The following KLHL1 variants were observed in gnomAD, a reference collection of about 807,000 sequenced individuals.
The protein encoded by KLHL1 is kelch like family member 1, also known as kelch-like protein 1.
KLHL1 carries 47 observed loss-of-function variants against 77.7 expected under a neutral mutation model. The ratio of observed to expected loss-of-function variants is 0.60; its 90% CI spans 0.48 to 0.77. The LOEUF is 0.77. Ranked by LOEUF, KLHL1 falls within the 30% of genes least tolerant of loss-of-function variation. KLHL1 has a pLI of 0.00. For synonymous variants in KLHL1, 360 were observed against 325.2 expected, an observed-to-expected ratio of 1.11 and a Z score of -1.15; for missense variants, 925 against 910.8, an observed-to-expected ratio of 1.02 and a Z score of -0.20.
chr13:69,735,263 C>T, intron 8 of KLHL1, among the ~76,000 whole-genome samples: 1 of 151,494 alleles, frequency 6.6e-6, no homozygotes, highest in East Asian at 1.9e-4. Context: ...TCTCAAATAA[C>T]AACTGATATC....
intron 4 of KLHL1, among the ~76,000 whole-genome samples, chr13:69,884,463 A>G (rs534057844): frequency 6.3e-4 from 95 of 151,292 alleles, no homozygotes; most frequent in African/African-American, 2.1e-3. Flanking sequence ...GAAGCTAAAG[A>G]TGTTCTGAGG....
At chr13:69,948,810 A>G (rs1883612831) in intron 3 of KLHL1, among the ~76,000 whole-genome samples, 1 of 151,964 alleles carries the variant, frequency 6.6e-6, no homozygotes, top group Non-Finnish European at 1.5e-5. Context: ...TATATTGAAA[A>G]TGTATATTTC....
chr13:69,939,332 T>TATAC (rs1427211607), intron 4 of KLHL1, among the ~76,000 whole-genome samples: 27 of 84,162 alleles, frequency 3.2e-4, no homozygotes, highest in African/African-American at 1.2e-3. Flanking sequence ...TATATATACA[T>TATAC]ATACATACAT....
intron 2 of KLHL1, among the ~76,000 whole-genome samples, chr13:69,963,682 G>A (rs910062993): frequency 6.6e-6 from 1 of 152,094 alleles, no homozygotes; most frequent in Non-Finnish European, 1.5e-5. Context: ...GATATTGTAA[G>A]AAATTTGCAA....
chr13:70,036,831 T>C (rs1886249322), intron 1 of KLHL1, among the ~76,000 whole-genome samples: 1 of 130,156 alleles, frequency 7.7e-6, no homozygotes. Flanking sequence ...TTTAATGCCA[T>C]GGTCTTTTTT....
At chr13:69,860,229 T>C (rs1487406591) in intron 5 of KLHL1, among the ~76,000 whole-genome samples, 1 of 152,016 alleles carries the variant, frequency 6.6e-6, no homozygotes, top group Non-Finnish European at 1.5e-5. Context: ...ATATATACTT[T>C]CTATACACAA....
At chr13:69,788,658 T>C (rs1224005575) in intron 7 of KLHL1, among the ~76,000 whole-genome samples, 1 of 127,514 alleles carries the variant, frequency 7.8e-6, no homozygotes, top group Non-Finnish European at 1.7e-5. Flanking sequence ...ACTTAAAGTA[T>C]AATAATAATA....
At chr13:69,772,774 G>A (rs994799067) in intron 7 of KLHL1, among the ~76,000 whole-genome samples, 7 of 152,082 alleles carry the variant, frequency 4.6e-5, no homozygotes, top group Non-Finnish European at 1.0e-4. Flanking sequence ...TCTGAATAAA[G>A]TGCCTTAAAA....
chr13:69,913,199 C>A (rs748013799), intron 4 of KLHL1, among the ~76,000 whole-genome samples: 1 of 152,154 alleles, frequency 6.6e-6, no homozygotes, highest in East Asian at 1.9e-4. Context: ...CTATGCTCCC[C>A]CTTCAAACTG....
chr13:69,973,825 T>C (rs999989666), intron 2 of KLHL1, among the ~76,000 whole-genome samples: 1 of 152,080 alleles, frequency 6.6e-6, no homozygotes, highest in African/African-American at 2.4e-5. Flanking sequence ...TTTTAAACTA[T>C]AGTGTTAAAA....
rs1457339991 is a variant in KLHL1 at position 69,843,978 on chromosome 13, T to G, written c.1228-4816A>C. The stretch of plus-strand genomic sequence containing the variant: ...ATGTTATTGATTAATTAATGATAAT[T>G]TGTGAATAACTTTTCAATTTCTAAG... On this transcript the variant is annotated intron_variant, in intron 5 of 10. Coordinates refer to ENST00000377844, the MANE Select transcript of KLHL1 (RefSeq NM_020866.3). Among the ~76,000 whole-genome samples, 4 of 151,648 alleles carry G rather than the reference T, an allele frequency of 2.6e-5. No homozygotes were observed. The East Asian group carries it at 7.8e-4, about 29-fold the overall frequency.
intron 5 of KLHL1, among the ~76,000 whole-genome samples, chr13:69,857,316 G>A (rs146013538): frequency 6.6e-6 from 1 of 152,048 alleles, no homozygotes; most frequent in East Asian, 2.0e-4. Flanking sequence ...TGATGCCAGG[G>A]CATATTGACT....
intron 4 of KLHL1, among the ~76,000 whole-genome samples, chr13:69,922,809 C>T (rs541528997): frequency 1.3e-4 from 20 of 152,152 alleles, no homozygotes; most frequent in South Asian, 4.2e-4. Context: ...GGCATGCAGA[C>T]GTAGAACTGT....
intron 1 of KLHL1, among the ~76,000 whole-genome samples, chr13:69,996,073 T>C (rs1442294073): frequency 2.6e-5 from 4 of 152,142 alleles, no homozygotes; most frequent in African/African-American, 9.6e-5. Context: ...GGGAGGTCAA[T>C]GCGGGAGGAT....
intron 7 of KLHL1, among the ~76,000 whole-genome samples, chr13:69,783,889 A>G (rs1296613478): frequency 6.6e-6 from 1 of 151,864 alleles, no homozygotes; most frequent in African/African-American, 2.4e-5. Context: ...CAGATTCACC[A>G]AAGTTGAAAT....
intron 1 of KLHL1, among the ~76,000 whole-genome samples, chr13:70,094,393 T>TTTTATATATATATATATATATA (rs1555296826): frequency 2.9e-5 from 4 of 137,228 alleles, no homozygotes; most frequent in East Asian, 4.2e-4. Flanking sequence ...GCAATCATCT[T>TTTTATATATATATATATATATA]TATATATATA....
rs751092848 is a variant in KLHL1, at chr13:69,707,695, C to T, written c.2117G>A (p.Gly706Asp). 1 of 1,612,830 alleles carries T rather than the reference C, an allele frequency of 6.2e-7. No homozygotes were observed. The highest frequency in any genetic ancestry group is 8.5e-7 in the Non-Finnish European group (1 of 1,179,208). The change falls in exon 10 of 11, where the codon GGT becomes GAT. Residue 706 changes from glycine to aspartate, a missense_variant. Physicochemically the swap from Gly to Asp is moderately conservative, Grantham distance 94 (BLOSUM62 -1). Transcript: ENST00000377844. ...GAGGTATGTCTGTCCATCATAGCCA[C>T]CAACAGCATATAATCTGTCACCAAG... ...CLLGDRLYAV[G>D]GYDGQTYLNT... is the part of the protein sequence containing the mutation.
At chr13:70,026,554 A>G (rs1885945764) in intron 1 of KLHL1, among the ~76,000 whole-genome samples, 1 of 152,168 alleles carries the variant, frequency 6.6e-6, no homozygotes, top group Non-Finnish European at 1.5e-5. Context: ...GCTACTGAAT[A>G]AATTACTTAA....
chr13:69,980,879 G>T (rs1884686250), intron 1 of KLHL1, among the ~76,000 whole-genome samples: 2 of 152,044 alleles, frequency 1.3e-5, no homozygotes, highest in African/African-American at 2.4e-5. Context: ...TTGAATAAAT[G>T]CATAAATATA....
Sources: allele counts gnomAD v4.1 joint callset (sites outside exome capture counted in the v4.1 genomes callset), GRCh38; gene constraint gnomAD v4.1.1; transcripts MANE v1.5; gene names NCBI Gene and HGNC (gene_info 2026-07-23, HGNC 2026-07-21).